PWWP3A: variants seen among roughly 807,000 people sequenced by gnomAD.
PWWP3A encodes the protein PWWP domain-containing DNA repair factor 3A.
In PWWP3A, 53 loss-of-function variants were observed where a neutral mutation model predicts 79.0. The observed-to-expected ratio is 0.67, with a 90% confidence interval of 0.54 to 0.84. The LOEUF is 0.84. PWWP3A is among the 40% of genes least tolerant of loss of function. PWWP3A has a pLI of 0.00. For synonymous variants in PWWP3A, 443 were observed against 394.4 expected (o/e 1.12, Z -1.46); for missense variants, 973 against 948.0 (o/e 1.03, Z -0.35).
At position 1,368,165 on chromosome 19, in the gene PWWP3A, C is replaced by A. The variant is rs907612606; in HGVS notation, c.1422+945C>A. ...GTCTCGAACTCCTGACCTCATGATC[C>A]GCCTGCCTCAGCCTCTCAAAGTGCT... is the stretch of plus-strand genomic sequence containing the variant. On this transcript the variant is annotated intron_variant, in intron 9 of 13. Coordinates refer to ENST00000591337, the MANE Select transcript of PWWP3A (RefSeq NM_001369789.1). This position sits in a 1 kb window ranked among gnomAD's most constrained non-coding sequence, Gnocchi z 4.7. Among the ~76,000 whole-genome samples the A allele has an allele frequency of 1.2e-4, 18 of 152,120 alleles. No homozygotes were observed. The highest frequency in any genetic ancestry group is 3.9e-4 in the African/African-American group (16 of 41,404).
In PWWP3A at chr19:1,376,306, TG is replaced by T. The variant is rs1205348521; in HGVS notation, c.2076-212del. On this transcript the variant is annotated intron_variant, in intron 13 of 13. Coordinates refer to ENST00000591337, the MANE Select transcript of PWWP3A (RefSeq NM_001369789.1). Reference sequence around the variant, plus strand: ...ACGCCCGGCTGTTTGTTTTTTTTTTTGTTTGTTTTTTTTTTTTTTTGGTATT... The same window carrying T: ...ACGCCCGGCTGTTTGTTTTTTTTTTTTTTGTTTTTTTTTTTTTTTGGTATT... 9.3e-3 allele frequency among the ~76,000 whole-genome samples: 971 copies of T among 104,156 alleles called. 31 individuals are homozygous for T. Among genetic ancestry groups the T allele is most frequent in the African/African-American group, 0.017 (387 of 22,142 alleles). The allele number at this position is 104,156 out of a possible 152,430, so 68.3% of individuals were successfully genotyped here.
intron 8 of PWWP3A, 97 bp downstream of exon 8, chr19:1,366,478 A>T: frequency 9.0e-7 from 1 of 1,115,602 alleles, no homozygotes; most frequent in Non-Finnish European, 1.4e-6. Flanking sequence ...GACAGAGGGG[A>T]GGCCCCGGCA....
At chr19:1,363,790 G>T (rs2082070715) in intron 6 of PWWP3A, among the ~76,000 whole-genome samples, 1 of 152,200 alleles carries the variant, frequency 6.6e-6, no homozygotes, top group Non-Finnish European at 1.5e-5. Context: ...ACTCACCCCA[G>T]TGGGCCTCCC....
chr19:1,356,962 C>T (rs766424848), intron 2 of PWWP3A, 47 bp from the exon 3 acceptor site: 1 of 1,506,042 alleles, frequency 6.6e-7, no homozygotes, highest in Admixed American at 1.8e-5. Context: ...CTGTTTCTCA[C>T]TGTCAGCTGT....
chr19:1,360,045 G>C lies in PWWP3A; in HGVS notation c.215-91G>C. 7.5e-7 allele frequency: 1 copy of C among 1,325,310 alleles called. No homozygotes were observed. The highest frequency in any genetic ancestry group is 1.0e-6 in the Non-Finnish European group (1 of 1,001,988). 82.1% of individuals were successfully genotyped at this position (1,325,310 alleles called of 1,614,324 possible). ...GATTTAGGTATGAAACTAGCCGTCA[G>C]AATGAGACAAGCGAGCTTCTAAAGC... On this transcript the variant is annotated intron_variant, in intron 4 of 13. Coordinates refer to ENST00000591337, the MANE Select transcript of PWWP3A (RefSeq NM_001369789.1). The surrounding 1 kb of genome is among the most constrained non-coding windows in gnomAD (Gnocchi z 4.4).
At chr19:1,358,153 G>A (rs2144694480) in intron 3 of PWWP3A, 2 of 475,108 alleles carry the variant, frequency 4.2e-6, no homozygotes, top group Non-Finnish European at 7.4e-6. Flanking sequence ...ATTCATTTTT[G>A]CTTTTAAATC....
intron 12 of PWWP3A, chr19:1,371,283 G>T (rs976986315): frequency 6.8e-6 from 5 of 732,394 alleles, no homozygotes; most frequent in South Asian, 1.5e-5. Context: ...AGACGGAGCC[G>T]CTTACTTGAC....
At chr19:1,364,454 T>A in intron 6 of PWWP3A, 55 bp from the exon 7 acceptor site, 1 of 1,368,162 alleles carries the variant, frequency 7.3e-7, no homozygotes, top group Non-Finnish European at 1.0e-6. Context: ...GTGCTTGATA[T>A]GGATTTGACT....
chr19:1,364,144 TC>T lies in PWWP3A; in HGVS notation c.1214-364del, dbSNP rs780354067. On this transcript the variant is annotated intron_variant, in intron 6 of 13. Transcript: ENST00000591337. The stretch of plus-strand genomic sequence containing the variant: ...CTCACCTCTGTTTTGTGCCACACAC[TC>T]TTTAAAAGTGTCTTCCCGCGGGGTT... The T allele has an allele frequency of 7.4e-6, 3 of 404,380 alleles. No individual in the cohort carries two copies. In the East Asian group the frequency reaches 1.6e-4, roughly 22 times the overall value. 25.0% of individuals were successfully genotyped at this position (404,380 alleles called of 1,614,324 possible). A position where few individuals can be genotyped will look rare whatever the true frequency, so the allele number is the denominator to read the frequency against.
chr19:1,364,242 G>C, intron 6 of PWWP3A: 1 of 621,020 alleles, frequency 1.6e-6, no homozygotes, highest in South Asian at 1.4e-5. Flanking sequence ...CCCATCCCAA[G>C]GGTGCGTTTG....
rs372030213 is a variant in PWWP3A, at chr19:1,362,384, A to G, written c.1213+33A>G. 57 of 1,575,318 alleles carry G rather than the reference A, an allele frequency of 3.6e-5. No homozygotes were observed. In the African/African-American group the frequency reaches 6.2e-4, roughly 17 times the overall value. ...ATGATCAGGGGGCGCCGGCAGTCCT[A>G]ACGGTGCGCTCAGAGGCAGCGGCGG... On this transcript the variant is annotated intron_variant, in intron 6 of 13. Transcript: ENST00000591337.
At chr19:1,375,537 T>TATAAAATATATATTATATATAAAATATA (rs1162661703) in intron 13 of PWWP3A, among the ~76,000 whole-genome samples, 17 of 96,216 alleles carry the variant, frequency 1.8e-4, no homozygotes, top group African/African-American at 8.2e-4. Flanking sequence ...ATTTATATAT[T>TATAAAATATATATTATATATAAAATATA]TTATATATAA....
chr19:1,375,651 TGTA>T (rs1023592866), intron 13 of PWWP3A, among the ~76,000 whole-genome samples: 1 of 92,404 alleles, frequency 1.1e-5, no homozygotes, highest in Non-Finnish European at 2.2e-5. Flanking sequence ...AATATATAAT[TGTA>T]TATATTATAT....
In PWWP3A at chr19:1,360,544, A is replaced by G. The variant is rs1213624440; in HGVS notation, c.623A>G (p.His208Arg). ...AQDESGSRIH[H>R]KNWTLASKRG... is the part of the protein sequence containing the mutation. Reference sequence around the variant, plus strand: ...GATGAGAGTGGGTCCAGAATCCACCACAAAAATTGGACTCTTGCAAGTAAG... The same window carrying G: ...GATGAGAGTGGGTCCAGAATCCACCGCAAAAATTGGACTCTTGCAAGTAAG... Residue 208 changes from histidine (H) to arginine (R), a missense_variant, in exon 5 of 14, where the codon CAC becomes CGC. Coordinates refer to ENST00000591337, the MANE Select transcript of PWWP3A (RefSeq NM_001369789.1). The surrounding 1 kb of genome is among the most constrained non-coding windows in gnomAD (Gnocchi z 4.4). 1.9e-6 allele frequency: 3 copies of G among 1,614,112 alleles called. No homozygotes were observed. Among genetic ancestry groups the G allele is most frequent in the Non-Finnish European group, 2.5e-6 (3 of 1,180,046 alleles).
intron 6 of PWWP3A, chr19:1,364,122 A>C (rs746841314): frequency 7.7e-6 from 4 of 522,430 alleles, no homozygotes; most frequent in Non-Finnish European, 1.5e-5. Context: ...CCATTACCTC[A>C]CCTCTGTTTT....
At chr19:1,355,422 C>T (rs1410139245) in intron 1 of PWWP3A, among the ~76,000 whole-genome samples, 8 of 147,180 alleles carry the variant, frequency 5.4e-5, no homozygotes, top group African/African-American at 1.0e-4. Context: ...CCCTGGATCC[C>T]CCTCACGTCT....
intron 1 of PWWP3A, among the ~76,000 whole-genome samples, chr19:1,355,757 G>A (rs1053572792): frequency 7.3e-5 from 11 of 151,458 alleles, no homozygotes; most frequent in Admixed American, 7.2e-4. Flanking sequence ...TCCCTGCTGC[G>A]GGGACGCCCC....
intron 1 of PWWP3A, among the ~76,000 whole-genome samples, chr19:1,355,340 C>T (rs1236222385): frequency 6.6e-6 from 1 of 151,964 alleles, no homozygotes; most frequent in Non-Finnish European, 1.5e-5. Context: ...CTTTTCCCGT[C>T]CCTGCCGCCC....
chr19:1,361,270 G>T (rs2082009070), intron 5 of PWWP3A, among the ~76,000 whole-genome samples: 1 of 152,368 alleles, frequency 6.6e-6, no homozygotes, highest in African/African-American at 2.4e-5. Context: ...GGAGTTGAGT[G>T]AGTGGGGAGC....
Sources: allele counts gnomAD v4.1 joint callset (sites outside exome capture counted in the v4.1 genomes callset), GRCh38; gene constraint gnomAD v4.1.1; non-coding constraint Gnocchi (gnomAD v3.1); transcripts MANE v1.5; gene names NCBI Gene and HGNC (gene_info 2026-07-23, HGNC 2026-07-21).